Variants in SYNGR1 observed in about 807,000 individuals in gnomAD.
SYNGR1 encodes synaptogyrin 1, also known as synaptogyrin-1.
A neutral mutation model predicts 26.1 loss-of-function variants in SYNGR1; 14 were observed. The observed-to-expected ratio is 0.54, with a 90% confidence interval of 0.35 to 0.84. The LOEUF is 0.84. Ranked by LOEUF, SYNGR1 falls within the 40% of genes least tolerant of loss-of-function variation. The pLI is 0.01. For synonymous variants in SYNGR1, 141 were observed against 150.1 expected, an observed-to-expected ratio of 0.94 and a Z score of 0.44; for missense variants, 319 against 332.9, an observed-to-expected ratio of 0.96 and a Z score of 0.33.
chr22:39,372,234 C>T (rs893589425), intron 1 of SYNGR1, among the ~76,000 whole-genome samples: 5 of 147,888 alleles, frequency 3.4e-5, no homozygotes, highest in Admixed American at 7.0e-5. Context: ...TGGGTTCAAG[C>T]GATTCTCCTG....
intron 1 of SYNGR1, among the ~76,000 whole-genome samples, chr22:39,353,871 T>G (rs1032126535): frequency 1.3e-5 from 2 of 152,188 alleles, no homozygotes; most frequent in Non-Finnish European, 2.9e-5. Context: ...TGTTTGTTTG[T>G]TTTTTGTTTT....
intron 1 of SYNGR1, among the ~76,000 whole-genome samples, chr22:39,353,053 G>C (rs1042907265): frequency 6.6e-6 from 1 of 152,040 alleles, no homozygotes; most frequent in African/African-American, 2.4e-5. Flanking sequence ...GTAGAGATGG[G>C]GTTTCACCAT....
intron 1 of SYNGR1, among the ~76,000 whole-genome samples, chr22:39,359,673 C>T (rs1433031750): frequency 6.8e-6 from 1 of 147,350 alleles, no homozygotes; most frequent in Non-Finnish European, 1.5e-5. Context: ...CCCACCCTAG[C>T]TTGGTGTCAG....
At chr22:39,377,588 C>G in intron 3 of SYNGR1, 2 of 1,613,396 alleles carry the variant, frequency 1.2e-6, no homozygotes, top group Non-Finnish European at 1.7e-6. Flanking sequence ...CCCCTACTCT[C>G]TCCTGGCAGA....
In SYNGR1 at chr22:39,350,037, C is replaced by T; in HGVS notation, c.27C>T (p.Gly9=). The T allele has an allele frequency of 7.1e-7, 1 of 1,405,218 alleles. No individual in the cohort carries two copies. The highest frequency in any genetic ancestry group is 9.4e-7 in the Non-Finnish European group (1 of 1,061,452). The allele number at this position is 1,405,218 out of a possible 1,614,324, so 87.0% of individuals were successfully genotyped here. ...TGGAAGGGGGTGCGTACGGAGCGGG[C>T]AAAGCCGGGGGCGCCTTCGACCCCT... MEGGAYGA[G]KAGGAFDPYT... Residue 9 remains glycine, a synonymous_variant, in exon 1 of 4, where the codon GGC becomes GGT. Transcript: ENST00000328933. This position sits in a 1 kb window ranked among gnomAD's most constrained non-coding sequence, Gnocchi z 4.3.
chr22:39,377,216 G>A (rs907016299), intron 3 of SYNGR1: 2 of 1,435,164 alleles, frequency 1.4e-6, no homozygotes, highest in Non-Finnish European at 1.8e-6. Flanking sequence ...TCTTTTTGAG[G>A]GCCCCTGGAT....
At chr22:39,352,763 CAG>C (rs1275888805) in intron 1 of SYNGR1, among the ~76,000 whole-genome samples, 3 of 152,226 alleles carry the variant, frequency 2.0e-5, no homozygotes, top group African/African-American at 4.8e-5. Context: ...TCCAGACAAA[CAG>C]GGACAATTTG....
rs934701842 is a variant in SYNGR1, at chr22:39,384,738, G to T, written c.*2824G>T. On this transcript the variant is annotated 3_prime_UTR_variant, in exon 4 of 4. Coordinates refer to ENST00000328933, the MANE Select transcript of SYNGR1 (RefSeq NM_004711.5). ...CCCTCCTGCAGCTGGACCCTGCAGG[G>T]TGGCTCCCTCCTCCCCATCAAGCAC... 2 of 399,086 alleles carry T rather than the reference G, an allele frequency of 5.0e-6. No homozygotes were observed. Among genetic ancestry groups the T allele is most frequent in the Non-Finnish European group, 8.8e-6 (2 of 226,058 alleles). 24.7% of individuals were successfully genotyped at this position (399,086 alleles called of 1,614,324 possible). A position where few individuals can be genotyped will look rare whatever the true frequency, so the allele number is the denominator to read the frequency against.
intron 1 of SYNGR1, among the ~76,000 whole-genome samples, chr22:39,362,342 C>T (rs565239341): frequency 3.9e-5 from 6 of 152,052 alleles, no homozygotes; most frequent in Non-Finnish European, 5.9e-5. Flanking sequence ...ACCGAGCACT[C>T]GGGGCGACAG....
At position 39,381,654 on chromosome 22, in the gene SYNGR1, C is replaced by A. The variant is rs748526227; in HGVS notation, c.484-42C>A. ...TCTTGTCTGTCTCTCCCCTAACCAC[C>A]CCCTCCCGCCTGTCCTTGTCCTCGC... On this transcript the variant is annotated intron_variant, in intron 3 of 3. Transcript: ENST00000328933. The A allele has an allele frequency of 6.2e-6, 10 of 1,607,396 alleles. No individual in the cohort carries two copies. The African/African-American group carries it at 9.3e-5, about 15-fold the overall frequency.
chr22:39,375,014 A>C lies in SYNGR1; in HGVS notation c.337+461A>C, dbSNP rs997745000. ...GCAGGACCAGGGCCTGGACCTGTGGAGCCAACCTGACCTGCTGCCCTTTGC... is the reference window on the plus strand; with the variant it reads ...GCAGGACCAGGGCCTGGACCTGTGGCGCCAACCTGACCTGCTGCCCTTTGC... On this transcript the variant is annotated intron_variant, in intron 2 of 3. Coordinates refer to ENST00000328933, the MANE Select transcript of SYNGR1 (RefSeq NM_004711.5). 1.3e-5 allele frequency: 3 copies of C among 230,830 alleles called. No homozygotes were observed. The South Asian group carries it at 1.8e-4, about 14-fold the overall frequency. The allele number at this position is 230,830 out of a possible 1,614,324, so 14.3% of individuals were successfully genotyped here.
At chr22:39,379,397 G>C (rs1940200984) in intron 3 of SYNGR1, among the ~76,000 whole-genome samples, 1 of 152,216 alleles carries the variant, frequency 6.6e-6, no homozygotes, top group South Asian at 2.1e-4. Context: ...ACTTTGGGAG[G>C]CCAAGGCAGG....
intron 1 of SYNGR1, among the ~76,000 whole-genome samples, chr22:39,367,711 T>A (rs1233237313): frequency 2.0e-5 from 3 of 150,678 alleles, no homozygotes; most frequent in Non-Finnish European, 4.4e-5. Flanking sequence ...TAATCCCAGC[T>A]ACTTGGGAGG....
intron 3 of SYNGR1, chr22:39,377,141 C>A: frequency 6.7e-7 from 1 of 1,496,930 alleles, no homozygotes; most frequent in Non-Finnish European, 8.9e-7. Flanking sequence ...CTTGAGGCTA[C>A]ATACAGGCCG....
In SYNGR1 at chr22:39,374,357, C is replaced by G. The variant is rs1373506362; in HGVS notation, c.141C>G (p.Gly47=). 11 of 1,614,050 alleles carry G rather than the reference C, an allele frequency of 6.8e-6. No homozygotes were observed. The East Asian group carries it at 2.2e-4, about 33-fold the overall frequency. ...IVVFGSIVNE[G]YLNSASEGEE... Reference sequence around the variant, plus strand: ...TGTTCGGCTCCATCGTGAACGAGGGCTACCTCAACAGCGCCTCCGAGGGGG... The same window carrying G: ...TGTTCGGCTCCATCGTGAACGAGGGGTACCTCAACAGCGCCTCCGAGGGGG... Residue 47 remains glycine, a synonymous_variant, in exon 2 of 4, where the codon GGC becomes GGG. Transcript: ENST00000328933.
chr22:39,373,388 A>G (rs941628159), intron 1 of SYNGR1, among the ~76,000 whole-genome samples: 17 of 150,908 alleles, frequency 1.1e-4, no homozygotes, highest in African/African-American at 3.9e-4. Context: ...GGCTGGTCTC[A>G]AACTCCTGAC....
chr22:39,357,785 A>G (rs1016796021), intron 1 of SYNGR1, among the ~76,000 whole-genome samples: 2 of 152,190 alleles, frequency 1.3e-5, no homozygotes, highest in Admixed American at 6.5e-5. Flanking sequence ...CAGCAGTGCA[A>G]GCCCACCGGC....
At position 39,350,223 on chromosome 22, in the gene SYNGR1, C is replaced by G. The variant is rs1923836190; in HGVS notation, c.99+114C>G. The G allele has an allele frequency of 3.0e-6, 2 of 659,190 alleles. No individual in the cohort carries two copies. The highest frequency in any genetic ancestry group is 4.0e-6 in the Non-Finnish European group (2 of 499,572). 40.8% of individuals were successfully genotyped at this position (659,190 alleles called of 1,614,324 possible). ...CCCCAACGGGCCCCCGGCGGCGGCG[C>G]GGCGGCGGGCGAGGAGCTGTCCTGC... On this transcript the variant is annotated intron_variant, in intron 1 of 3. Transcript: ENST00000328933. The surrounding 1 kb of genome is among the most constrained non-coding windows in gnomAD (Gnocchi z 4.3).
intron 1 of SYNGR1, among the ~76,000 whole-genome samples, chr22:39,362,678 A>G (rs533796040): frequency 3.4e-4 from 52 of 152,302 alleles, no homozygotes; most frequent in African/African-American, 1.2e-3. Flanking sequence ...TGCCTGCACC[A>G]GGACAAGGGC....
Sources: allele counts gnomAD v4.1 joint callset (sites outside exome capture counted in the v4.1 genomes callset), GRCh38; gene constraint gnomAD v4.1.1; non-coding constraint Gnocchi (gnomAD v3.1); transcripts MANE v1.5; gene names NCBI Gene and HGNC (gene_info 2026-07-23, HGNC 2026-07-21).